Variants in DLGAP2 observed in about 807,000 individuals in gnomAD.
The protein encoded by DLGAP2 is DLG associated protein 2, also known as disks large-associated protein 2.
A neutral mutation model predicts 100.3 loss-of-function variants in DLGAP2; 26 were observed. The ratio of observed to expected loss-of-function variants is 0.26; its 90% CI spans 0.19 to 0.36. The LOEUF (loss-of-function observed/expected upper bound fraction) is 0.36. DLGAP2 is among the 10% of genes least tolerant of loss of function. The probability of loss-of-function intolerance (pLI) is 1.00; values close to 1 mark genes in which losing one functional copy is unlikely to be tolerated. For synonymous variants in DLGAP2, 886 were observed against 630.1 expected (o/e 1.41, Z -6.08); for missense variants, 1,858 against 1,453.2 (o/e 1.28, Z -4.53).
chr8:1,008,680 C>G (rs1260451811), intron 2 of DLGAP2, among the ~76,000 whole-genome samples: 1 of 152,210 alleles, frequency 6.6e-6, no homozygotes. Flanking sequence ...AGCTGTCCGC[C>G]TCTGCAGGAG....
chr8:823,310 CATT>C (rs5888817), intron 1 of DLGAP2, among the ~76,000 whole-genome samples: 90,466 of 148,198 alleles, frequency 0.61, 27,828 homozygotes, highest in Admixed American at 0.67. Context: ...AGCTTGAATT[CATT>C]ATTATTATTA....
At chr8:770,931 G>A (rs1340308581) in intron 1 of DLGAP2, among the ~76,000 whole-genome samples, 1 of 150,644 alleles carries the variant, frequency 6.6e-6, no homozygotes, top group African/African-American at 2.4e-5. Context: ...TCACTTTTCT[G>A]TAGGGCAGGT....
intron 2 of DLGAP2, among the ~76,000 whole-genome samples, chr8:993,692 C>T (rs146142961): frequency 4.0e-5 from 6 of 151,458 alleles, no homozygotes; most frequent in Non-Finnish European, 8.8e-5. Flanking sequence ...TCAGTACACT[C>T]GTGCCTCTCA....
intron 4 of DLGAP2, among the ~76,000 whole-genome samples, chr8:1,517,198 A>C (rs994409249): frequency 6.6e-6 from 1 of 152,106 alleles, no homozygotes; most frequent in African/African-American, 2.4e-5. Context: ...TGTCTTTTGA[A>C]AGGGGTGATG....
chr8:1,283,097 T>A (rs1001032725), intron 3 of DLGAP2, among the ~76,000 whole-genome samples: 1 of 146,858 alleles, frequency 6.8e-6, no homozygotes, highest in Non-Finnish European at 1.5e-5. Context: ...TGGTGTGACC[T>A]GAACCCAGCG....
chr8:1,468,699 G>A (rs1483831145), intron 3 of DLGAP2, among the ~76,000 whole-genome samples: 3 of 152,194 alleles, frequency 2.0e-5, no homozygotes, highest in African/African-American at 7.2e-5. Context: ...AGCCTGGGCA[G>A]TGTAAACCAC....
chr8:1,268,980 C>T (rs1469957632), intron 3 of DLGAP2, among the ~76,000 whole-genome samples: 2 of 152,162 alleles, frequency 1.3e-5, no homozygotes, highest in African/African-American at 4.8e-5. Context: ...GGTAGCTCAG[C>T]CGTAGTCCTT....
At chr8:769,747 T>C (rs759931555) in intron 1 of DLGAP2, among the ~76,000 whole-genome samples, 16 of 152,314 alleles carry the variant, frequency 1.1e-4, no homozygotes, top group Non-Finnish European at 1.9e-4. Flanking sequence ...GACACGAGCC[T>C]CTTGCGTTCC....
At chr8:1,615,094 G>A (rs1028928923) in intron 6 of DLGAP2, among the ~76,000 whole-genome samples, 2 of 152,226 alleles carry the variant, frequency 1.3e-5, no homozygotes, top group Admixed American at 1.3e-4. Context: ...GCCAGAAGAG[G>A]TGGGGGTCAG....
At chr8:996,132 A>G (rs1381329803) in intron 2 of DLGAP2, among the ~76,000 whole-genome samples, 1 of 151,542 alleles carries the variant, frequency 6.6e-6, no homozygotes, top group Non-Finnish European at 1.5e-5. Context: ...TCCAGGGACC[A>G]CTCCCCTCTG....
At chr8:1,110,760 G>A (rs1305440548) in intron 2 of DLGAP2, among the ~76,000 whole-genome samples, 2 of 143,304 alleles carry the variant, frequency 1.4e-5, no homozygotes, top group South Asian at 2.2e-4. Flanking sequence ...CCGCAGCCCT[G>A]CAGTGGCACT....
At chr8:1,315,987 G>A (rs1435293422) in intron 3 of DLGAP2, among the ~76,000 whole-genome samples, 1 of 136,336 alleles carries the variant, frequency 7.3e-6, no homozygotes, top group Non-Finnish European at 1.6e-5. Flanking sequence ...TAAAAATAGA[G>A]GCTGTGCGAG....
intron 6 of DLGAP2, among the ~76,000 whole-genome samples, chr8:1,620,808 C>T (rs557303794): frequency 6.6e-6 from 1 of 152,356 alleles, no homozygotes; most frequent in East Asian, 1.9e-4. Flanking sequence ...GAGCTCCCAG[C>T]TCACAAGTCC....
chr8:1,690,475 T>C (rs1200838663), intron 12 of DLGAP2, among the ~76,000 whole-genome samples: 1 of 151,258 alleles, frequency 6.6e-6, no homozygotes, highest in East Asian at 2.0e-4. Context: ...GAGGCTGAGA[T>C]GGGTGGATCA....
At chr8:1,422,863 C>T (rs984054496) in intron 3 of DLGAP2, among the ~76,000 whole-genome samples, 1 of 152,164 alleles carries the variant, frequency 6.6e-6, no homozygotes, top group Non-Finnish European at 1.5e-5. Context: ...GGATGCTGTG[C>T]TGTTCCAGAA....
intron 1 of DLGAP2, among the ~76,000 whole-genome samples, chr8:831,041 A>G (rs1463221062): frequency 6.6e-6 from 1 of 151,724 alleles, no homozygotes; most frequent in African/African-American, 2.4e-5. Context: ...CATTACAGGC[A>G]TGGGCCACCA....
At chr8:1,050,133 C>T (rs931516447) in intron 2 of DLGAP2, among the ~76,000 whole-genome samples, 1 of 152,242 alleles carries the variant, frequency 6.6e-6, no homozygotes, top group Non-Finnish European at 1.5e-5. Flanking sequence ...GTCACAGCCA[C>T]GTGTGCCTAT....
chr8:916,678 A>AT (rs1342526678), intron 2 of DLGAP2, among the ~76,000 whole-genome samples: 2 of 152,340 alleles, frequency 1.3e-5, no homozygotes, highest in East Asian at 3.9e-4. Context: ...AAGAAAATAA[A>AT]TTTAAAAAAA....
chr8:1,181,254 G>A (rs531285471), intron 2 of DLGAP2, among the ~76,000 whole-genome samples: 1 of 151,690 alleles, frequency 6.6e-6, no homozygotes, highest in South Asian at 2.1e-4. Flanking sequence ...ACTTACTGTC[G>A]AGTGTGGGTG....
Sources: gnomAD v4.1 joint callset for allele counts (sites outside exome capture counted in the v4.1 genomes callset) on GRCh38, gnomAD v4.1.1 for gene constraint, MANE v1.5 for transcripts, NCBI Gene and HGNC (gene_info 2026-07-23, HGNC 2026-07-21) for gene names.